BRAF: variants seen among roughly 807,000 people sequenced by gnomAD.
The protein encoded by BRAF is B-Raf proto-oncogene, serine/threonine kinase, also known as serine/threonine-protein kinase B-raf.
Under a neutral mutation model 104.6 loss-of-function variants are expected in BRAF, and 16 were observed. The observed-to-expected ratio is 0.15, with a 90% CI of 0.10 to 0.23. BRAF has a LOEUF of 0.23. Among genes scored for constraint, BRAF ranks in the 10% least tolerant of loss-of-function variants. The pLI, the probability that BRAF is intolerant of heterozygous loss-of-function variation, is 1.00. For synonymous variants in BRAF, 310 were observed against 341.6 expected (o/e 0.91, Z 1.02); for missense variants, 541 against 937.3 (o/e 0.58, Z 5.52).
At chr7:140,786,708 T>A (rs1801394320) in intron 9 of BRAF, among the ~76,000 whole-genome samples, 1 of 152,110 alleles carries the variant, frequency 6.6e-6, no homozygotes, top group African/African-American at 2.4e-5. Flanking sequence ...TTAAAACACT[T>A]CCAGAAAGTT....
intron 10 of BRAF, among the ~76,000 whole-genome samples, chr7:140,783,867 T>A (rs182091254): frequency 6.6e-6 from 1 of 152,382 alleles, no homozygotes; most frequent in Admixed American, 6.5e-5. Context: ...CTTTGTTAAG[T>A]AAGCGCTATG....
intron 16 of BRAF, among the ~76,000 whole-genome samples, chr7:140,751,326 G>A (rs1407986032): frequency 6.6e-6 from 1 of 152,062 alleles, no homozygotes; most frequent in African/African-American, 2.4e-5. Flanking sequence ...AAAAGCACGT[G>A]ACAATTGTTT....
chr7:140,730,214 A>C (rs1795859413), intron 19 of BRAF, among the ~76,000 whole-genome samples: 1 of 151,312 alleles, frequency 6.6e-6, no homozygotes, highest in Admixed American at 6.6e-5. Flanking sequence ...TGAAGAGCCA[A>C]CTCTGCTTGT....
chr7:140,818,127 G>A (rs1416745163), intron 3 of BRAF, among the ~76,000 whole-genome samples: 2 of 152,002 alleles, frequency 1.3e-5, no homozygotes, highest in Non-Finnish European at 2.9e-5. Flanking sequence ...CATAGTGACT[G>A]TCTTTTTGGG....
At position 140,722,285 on chromosome 7, in the gene BRAF, C is replaced by A; in HGVS notation, c.*4209G>T. ...TTCTCATTGTTAAATGTGATTTTGG[C>A]TATAAACTCTTTAGTGCATTTACCT... On this transcript the variant is annotated 3_prime_UTR_variant, in exon 20 of 20. Transcript: ENST00000644969. 6 of 1,055,840 alleles carry A rather than the reference C, an allele frequency of 5.7e-6. No homozygotes were observed. The highest frequency in any genetic ancestry group is 6.9e-6 in the Non-Finnish European group (6 of 873,366). 65.4% of individuals were successfully genotyped at this position (1,055,840 alleles called of 1,614,324 possible).
intron 18 of BRAF, among the ~76,000 whole-genome samples, chr7:140,735,712 A>G (rs1250738749): frequency 6.6e-6 from 1 of 151,836 alleles, no homozygotes; most frequent in African/African-American, 2.4e-5. Flanking sequence ...GCGCACCACC[A>G]TGCCCAGCTA....
intron 18 of BRAF, among the ~76,000 whole-genome samples, chr7:140,736,884 A>G (rs1280143717): frequency 6.6e-6 from 1 of 151,892 alleles, no homozygotes; most frequent in African/African-American, 2.4e-5. Context: ...AACCACCACC[A>G]CCACCACCAC....
In BRAF at chr7:140,850,158, A is replaced by G. The variant is rs866875749; in HGVS notation, c.193T>C (p.Leu65=). The G allele has an allele frequency of 6.2e-6, 10 of 1,612,374 alleles. No homozygotes were observed. The highest frequency in any genetic ancestry group is 1.8e-4 in the Middle Eastern group (1 of 5,704). The part of the protein sequence containing the change: ...KLTQEHIEAL[L]DKFGGEHNPP... ...TTATGCTCCCCACCAAATTTGTCCAATAGGGCCTCTATATGTTCCTGTGTC... is the reference window on the plus strand; with the variant it reads ...TTATGCTCCCCACCAAATTTGTCCAGTAGGGCCTCTATATGTTCCTGTGTC... The change falls in exon 2 of 20, where the codon TTG becomes CTG. Residue 65 remains leucine, a synonymous_variant. Transcript: ENST00000644969.
chr7:140,924,740 C>A lies in BRAF; in HGVS notation c.-37G>T. ...GAGCCGGGGCCCGAGCGGCCGCTGTCGGGCGGGGAGGGGGAAGGGAGGCGG... is the reference window on the plus strand; with the variant it reads ...GAGCCGGGGCCCGAGCGGCCGCTGTAGGGCGGGGAGGGGGAAGGGAGGCGG... On this transcript the variant is annotated 5_prime_UTR_variant, in exon 1 of 20. Coordinates refer to ENST00000644969, the MANE Select transcript of BRAF (RefSeq NM_001374258.1). This position sits in a 1 kb window ranked among gnomAD's most constrained non-coding sequence, Gnocchi z 4.2. 1 of 749,102 alleles carries A rather than the reference C, an allele frequency of 1.3e-6. No homozygotes were observed. The highest frequency in any genetic ancestry group is 2.2e-6 in the Non-Finnish European group (1 of 457,820). The allele number at this position is 749,102 out of a possible 1,614,324, so 46.4% of individuals were successfully genotyped here.
intron 12 of BRAF, 198 bp downstream of exon 11, chr7:140,781,378 T>C: frequency 1.7e-6 from 1 of 588,458 alleles, no homozygotes; most frequent in Non-Finnish European, 3.0e-6. Flanking sequence ...AATAAAATGG[T>C]AGGAGTCCCG....
chr7:140,765,988 G>A (rs1384209436), intron 14 of BRAF, among the ~76,000 whole-genome samples: 1 of 148,294 alleles, frequency 6.7e-6, no homozygotes, highest in Non-Finnish European at 1.5e-5. Context: ...CTGCTATAAA[G>A]ACACATGCAC....
intron 1 of BRAF, among the ~76,000 whole-genome samples, chr7:140,896,891 G>T (rs1265516581): frequency 6.7e-6 from 1 of 149,900 alleles, no homozygotes; most frequent in Non-Finnish European, 1.5e-5. Flanking sequence ...AAGGGGTGGG[G>T]GGGGAAGAGA....
chr7:140,893,124 T>C (rs949987183), intron 1 of BRAF, among the ~76,000 whole-genome samples: 8 of 152,056 alleles, frequency 5.3e-5, no homozygotes, highest in African/African-American at 1.9e-4. Context: ...ACATTAAAAA[T>C]GGAGGAGTGA....
chr7:140,718,530 G>A (rs1257661427), downstream of BRAF, among the ~76,000 whole-genome samples: 8 of 150,170 alleles, frequency 5.3e-5, no homozygotes, highest in African/African-American at 1.5e-4. Context: ...GATTACAGGC[G>A]TGAGCCACCA....
In BRAF at chr7:140,909,809, A is replaced by AAACAAC. The variant is rs142186028; in HGVS notation, c.138+14751_138+14756dup. Among the ~76,000 whole-genome samples the AAACAAC allele has an allele frequency of 4.7e-3, 694 of 148,776 alleles. 6 individuals carry two copies. Among genetic ancestry groups the AAACAAC allele is most frequent in the East Asian group, 0.011 (55 of 4,986 alleles). On this transcript the variant is annotated intron_variant, in intron 1 of 19. Transcript: ENST00000644969. ...GCAACAAGAGCGAAACTCCGTCTCA[A>AAACAAC]AACAACAACAACAACAACAACAACA...
intron 3 of BRAF, among the ~76,000 whole-genome samples, chr7:140,815,678 C>T (rs1390688505): frequency 1.3e-5 from 2 of 151,944 alleles, no homozygotes; most frequent in African/African-American, 2.4e-5. Context: ...TCAAGTGACC[C>T]GCCTGCCTCA....
intron 15 of BRAF, 81 bp from the exon 15 acceptor site, chr7:140,753,474 T>C (rs1797952326): frequency 3.4e-6 from 3 of 894,468 alleles, no homozygotes; most frequent in Non-Finnish European, 5.6e-6. Flanking sequence ...AGGTAAGAGA[T>C]CTAATTTCTA....
At chr7:140,717,705 A>G (rs777296440), downstream of BRAF, among the ~76,000 whole-genome samples, 4 of 152,212 alleles carry the variant, frequency 2.6e-5, no homozygotes, top group Non-Finnish European at 5.9e-5. Context: ...CAAAGTGTCC[A>G]TAGTTCTGGG....
chr7:140,862,181 A>C (rs1248231131), intron 1 of BRAF, among the ~76,000 whole-genome samples: 2 of 152,222 alleles, frequency 1.3e-5, no homozygotes, highest in Admixed American at 6.5e-5. Flanking sequence ...CACAATGAAC[A>C]AACAGAATAA....
Sources: gnomAD v4.1 joint callset for allele counts (sites outside exome capture counted in the v4.1 genomes callset) on GRCh38, gnomAD v4.1.1 for gene constraint, Gnocchi (gnomAD v3.1) non-coding constraint, MANE v1.5 for transcripts, NCBI Gene and HGNC (gene_info 2026-07-23, HGNC 2026-07-21) for gene names.